Variants in EEPD1 observed in about 807,000 individuals in gnomAD.
The protein encoded by EEPD1 is endonuclease/exonuclease/phosphatase family domain-containing protein 1.
EEPD1 carries 17 observed loss-of-function variants against 46.3 expected under a neutral mutation model. The ratio of observed to expected loss-of-function variants is 0.37; its 90% CI spans 0.25 to 0.55. The LOEUF (loss-of-function observed/expected upper bound fraction) is 0.55, where lower values mean the gene tolerates loss of function less well. Ranked by LOEUF, EEPD1 falls within the 20% of genes least tolerant of loss-of-function variation. The pLI, the probability that EEPD1 is intolerant of heterozygous loss-of-function variation, is 0.83. For missense variants in EEPD1, 673 were observed against 745.6 expected (o/e 0.90, Z 1.13); for synonymous variants, 313 against 315.6 (o/e 0.99, Z 0.09).
chr7:36,241,203 C>T (rs569120050), intron 3 of EEPD1, among the ~76,000 whole-genome samples: 6 of 152,062 alleles, frequency 3.9e-5, no homozygotes, highest in African/African-American at 9.7e-5. Flanking sequence ...TGGCTGGGTG[C>T]GGTGGCTCAC....
At chr7:36,161,043 A>G (rs1784895606) in intron 2 of EEPD1, among the ~76,000 whole-genome samples, 1 of 152,188 alleles carries the variant, frequency 6.6e-6, no homozygotes. Flanking sequence ...CAGATGGAGT[A>G]TGAGGCCATG....
At position 36,292,473 on chromosome 7, in the gene EEPD1, CTCTCTCTCTT is replaced by C. The variant is rs201113324; in HGVS notation, c.1316-4508_1316-4499del. ...CCTCCCTCCCTCCTTGTCTTTCTCT[CTCTCTCTCTT>C]TCTCTCTCTTTTTCTCTTTCTCTTT... On this transcript the variant is annotated intron_variant, in intron 6 of 7. Coordinates refer to ENST00000242108, the MANE Select transcript of EEPD1 (RefSeq NM_030636.3). 8.8e-3 allele frequency among the ~76,000 whole-genome samples: 1,317 copies of C among 149,666 alleles called. 8 individuals are homozygous for C. The highest frequency in any genetic ancestry group is 0.037 in the Middle Eastern group (11 of 294).
At chr7:36,248,318 C>A (rs137976319) in intron 3 of EEPD1, among the ~76,000 whole-genome samples, 1 of 151,662 alleles carries the variant, frequency 6.6e-6, no homozygotes, top group African/African-American at 2.4e-5. Flanking sequence ...GATTTTACCC[C>A]CCTCAGCCTC....
chr7:36,214,760 A>G (rs1785999764), intron 2 of EEPD1, among the ~76,000 whole-genome samples: 1 of 152,186 alleles, frequency 6.6e-6, no homozygotes, highest in South Asian at 2.1e-4. Context: ...GCTGGCTGAC[A>G]TTGACGCAGG....
intron 2 of EEPD1, among the ~76,000 whole-genome samples, chr7:36,174,393 G>A (rs535615562): frequency 2.0e-4 from 30 of 152,266 alleles, no homozygotes; most frequent in Non-Finnish European, 2.9e-4. Flanking sequence ...ATGAGGAAGC[G>A]TAACACATGA....
intron 2 of EEPD1, among the ~76,000 whole-genome samples, chr7:36,188,888 TTAAG>T (rs1785412276): frequency 6.6e-6 from 1 of 152,186 alleles, no homozygotes; most frequent in Admixed American, 6.5e-5. Flanking sequence ...ATGGAAGTGT[TTAAG>T]TATTGCTGTG....
chr7:36,260,365 C>T (rs191149897), intron 3 of EEPD1, among the ~76,000 whole-genome samples: 19 of 152,264 alleles, frequency 1.2e-4, no homozygotes, highest in African/African-American at 4.3e-4. Flanking sequence ...TTGAATATAC[C>T]ACTTCACTGT....
chr7:36,245,147 C>T (rs1786616774), intron 3 of EEPD1, among the ~76,000 whole-genome samples: 1 of 152,070 alleles, frequency 6.6e-6, no homozygotes, highest in African/African-American at 2.4e-5. Flanking sequence ...GGGATCTCAC[C>T]ATGTTGGCCA....
intron 2 of EEPD1, among the ~76,000 whole-genome samples, chr7:36,165,803 AG>A (rs1377348502): frequency 6.6e-6 from 1 of 152,140 alleles, no homozygotes. Context: ...TATGAAGTCA[AG>A]AATTTGACTC....
chr7:36,266,885 C>A (rs1198592409), intron 3 of EEPD1, among the ~76,000 whole-genome samples: 3 of 152,184 alleles, frequency 2.0e-5, no homozygotes, highest in Non-Finnish European at 4.4e-5. Flanking sequence ...GTTCAAGGTT[C>A]ATCCATGTAT....
chr7:36,292,328 C>G (rs550576639), intron 6 of EEPD1, among the ~76,000 whole-genome samples: 1 of 152,088 alleles, frequency 6.6e-6, no homozygotes, highest in African/African-American at 2.4e-5. Context: ...GAACCGGGGC[C>G]GAGAACCACT....
intron 2 of EEPD1, among the ~76,000 whole-genome samples, chr7:36,216,155 GA>G (rs1786026689): frequency 6.6e-6 from 1 of 152,192 alleles, no homozygotes; most frequent in Non-Finnish European, 1.5e-5. Context: ...TTTATCCAGA[GA>G]AGTATATCCA....
intron 2 of EEPD1, among the ~76,000 whole-genome samples, chr7:36,198,163 A>G (rs562853993): frequency 1.3e-5 from 2 of 151,918 alleles, no homozygotes; most frequent in Admixed American, 1.3e-4. Flanking sequence ...TAAACATCTG[A>G]TAATGAGAAT....
intron 6 of EEPD1, among the ~76,000 whole-genome samples, chr7:36,292,598 C>T (rs1036436491): frequency 5.3e-5 from 8 of 152,022 alleles, no homozygotes; most frequent in Non-Finnish European, 1.0e-4. Context: ...ACCTCTGTCT[C>T]CCGGGTTCAA....
chr7:36,226,006 A>G (rs1451913173), intron 2 of EEPD1, among the ~76,000 whole-genome samples: 3 of 152,254 alleles, frequency 2.0e-5, no homozygotes, highest in Non-Finnish European at 4.4e-5. Context: ...ACCAGATTCC[A>G]TAAAACTAGA....
intron 2 of EEPD1, among the ~76,000 whole-genome samples, chr7:36,237,942 C>T (rs1786487208): frequency 6.6e-6 from 1 of 151,922 alleles, no homozygotes; most frequent in African/African-American, 2.4e-5. Flanking sequence ...CAGAGTGAGA[C>T]TGTCTCAAAA....
At chr7:36,162,548 G>T (rs780882631) in intron 2 of EEPD1, among the ~76,000 whole-genome samples, 1 of 152,186 alleles carries the variant, frequency 6.6e-6, no homozygotes, top group Non-Finnish European at 1.5e-5. Context: ...GGAGGCTGAT[G>T]TGGGAGGTTA....
chr7:36,253,944 T>A (rs1258169675), intron 3 of EEPD1, among the ~76,000 whole-genome samples: 2 of 152,190 alleles, frequency 1.3e-5, no homozygotes, highest in Non-Finnish European at 2.9e-5. Context: ...ATTGCTGTAG[T>A]TGAATTTATG....
At chr7:36,196,392 C>T (rs981189445) in intron 2 of EEPD1, among the ~76,000 whole-genome samples, 20 of 146,676 alleles carry the variant, frequency 1.4e-4, no homozygotes, top group African/African-American at 5.2e-4. Flanking sequence ...CTCCCTCTCC[C>T]ATCTCCCTCT....
Sources: gnomAD v4.1 joint callset for allele counts (sites outside exome capture counted in the v4.1 genomes callset) on GRCh38, gnomAD v4.1.1 for gene constraint, MANE v1.5 for transcripts, NCBI Gene and HGNC (gene_info 2026-07-23, HGNC 2026-07-21) for gene names.